The following OPCML variants were observed in gnomAD, a reference collection of about 807,000 sequenced individuals.
OPCML encodes opioid binding protein/cell adhesion molecule like, also known as opioid-binding protein/cell adhesion molecule.
OPCML carries 13 observed loss-of-function variants against 37.8 expected under a neutral mutation model. That is an observed-to-expected ratio of 0.34 (90% CI 0.22 to 0.55). The LOEUF is 0.55. OPCML is among the 20% of genes least tolerant of loss of function. The pLI, the probability that OPCML is intolerant of heterozygous loss-of-function variation, is 0.91. For synonymous variants in OPCML, 176 were observed against 168.8 expected, an observed-to-expected ratio of 1.04 and a Z score of -0.33; for missense variants, 341 against 435.6, an observed-to-expected ratio of 0.78 and a Z score of 1.93.
intron 4 of OPCML, among the ~76,000 whole-genome samples, chr11:132,484,089 C>T (rs1293291611): frequency 1.3e-5 from 2 of 152,154 alleles, no homozygotes; most frequent in African/African-American, 2.4e-5. Flanking sequence ...AACTAAAGAG[C>T]TTCTGCACAG....
intron 2 of OPCML, among the ~76,000 whole-genome samples, chr11:132,665,314 C>T (rs149749833): frequency 1.3e-5 from 2 of 152,234 alleles, no homozygotes; most frequent in Non-Finnish European, 2.9e-5. Context: ...GATGAGTCCA[C>T]CAGAAATTGC....
chr11:132,744,761 G>C (rs1418274059), intron 2 of OPCML, among the ~76,000 whole-genome samples: 1 of 152,206 alleles, frequency 6.6e-6, no homozygotes, highest in Non-Finnish European at 1.5e-5. Flanking sequence ...CAGTACAAAG[G>C]GAGCAAATAA....
chr11:133,193,752 G>T (rs1938419127), intron 1 of OPCML, among the ~76,000 whole-genome samples: 1 of 152,044 alleles, frequency 6.6e-6, no homozygotes, highest in Non-Finnish European at 1.5e-5. Context: ...AAGAACCAAA[G>T]ATTTATGGTC....
At chr11:133,150,690 G>T (rs1949967369) in intron 1 of OPCML, among the ~76,000 whole-genome samples, 2 of 152,218 alleles carry the variant, frequency 1.3e-5, no homozygotes, top group African/African-American at 4.8e-5. Flanking sequence ...AGGTGCCCTG[G>T]CATCTTACAA....
chr11:133,343,971 T>A (rs1044209473), intron 1 of OPCML, among the ~76,000 whole-genome samples: 2 of 152,258 alleles, frequency 1.3e-5, no homozygotes, highest in African/African-American at 4.8e-5. Flanking sequence ...TATTCTGAAC[T>A]AATTGCCAGA....
In OPCML at chr11:133,358,138, T is replaced by A. The variant is rs553513145; in HGVS notation, c.61+174126A>T. Among the ~76,000 whole-genome samples the A allele has an allele frequency of 3.9e-5, 6 of 152,326 alleles. No individual in the cohort carries two copies. The East Asian group carries it at 1.2e-3, about 29-fold the overall frequency. ...CCTTCTTCATTCTCCAATGGGTGAA[T>A]TGAATGAGTGAGCAATGAATGAACT... On this transcript the variant is annotated intron_variant, in intron 1 of 7. Transcript: ENST00000524381.
chr11:133,422,074 C>T (rs1398315352), intron 1 of OPCML: 41 of 926,462 alleles, frequency 4.4e-5, no homozygotes, highest in Non-Finnish European at 5.0e-5. Flanking sequence ...CCCATCCACC[C>T]GTCATCTACA....
chr11:132,921,851 T>C (rs1031133196), intron 2 of OPCML, among the ~76,000 whole-genome samples: 22 of 152,186 alleles, frequency 1.4e-4, no homozygotes, highest in African/African-American at 5.1e-4. Flanking sequence ...TAGCACCTTA[T>C]TGAGGCCCTC....
intron 1 of OPCML, among the ~76,000 whole-genome samples, chr11:133,016,781 C>T (rs113059533): frequency 0.021 from 3,264 of 152,246 alleles, 45 homozygotes; most frequent in Middle Eastern, 0.068. Flanking sequence ...CCCACATGTG[C>T]ACACAAACAT....
intron 1 of OPCML, among the ~76,000 whole-genome samples, chr11:133,485,679 AT>A (rs1947511364): frequency 6.6e-6 from 1 of 152,210 alleles, no homozygotes; most frequent in Admixed American, 6.5e-5. Context: ...CATCTGCATT[AT>A]TCTGGGTTCC....
At chr11:132,883,284 A>AG (rs778718839) in intron 2 of OPCML, among the ~76,000 whole-genome samples, 2 of 149,864 alleles carry the variant, frequency 1.3e-5, no homozygotes, top group East Asian at 1.9e-4. Context: ...AAAAAAAAAA[A>AG]GGGGGCTGAA....
At chr11:133,006,670 A>G (rs1506874) in intron 1 of OPCML, 767,063 of 985,326 alleles carry the variant, frequency 0.78, 299,768 homozygotes, top group African/African-American at 0.96. Flanking sequence ...CCCTTCCCTG[A>G]TCCCACATGT....
At chr11:133,404,329 G>A (rs1253374514) in intron 1 of OPCML, among the ~76,000 whole-genome samples, 1 of 152,222 alleles carries the variant, frequency 6.6e-6, no homozygotes, top group Non-Finnish European at 1.5e-5. Flanking sequence ...CACATTCGCA[G>A]GCGCGAGGAG....
chr11:133,163,140 T>C (rs1184337211), intron 1 of OPCML, among the ~76,000 whole-genome samples: 3 of 152,232 alleles, frequency 2.0e-5, no homozygotes, highest in African/African-American at 7.2e-5. Flanking sequence ...AATATGTTTC[T>C]TGTGTTTCCG....
At chr11:132,505,405 A>G (rs544165010) in intron 4 of OPCML, among the ~76,000 whole-genome samples, 1 of 152,346 alleles carries the variant, frequency 6.6e-6, no homozygotes, top group Non-Finnish European at 1.5e-5. Context: ...TGTGCACCAT[A>G]TCACAATAAA....
intron 1 of OPCML, among the ~76,000 whole-genome samples, chr11:133,249,611 G>A (rs1384585125): frequency 6.6e-6 from 1 of 152,126 alleles, no homozygotes; most frequent in East Asian, 1.9e-4. Flanking sequence ...CAAAGGCGGA[G>A]GAGAGAAAGC....
At chr11:132,784,538 G>A (rs897827962) in intron 2 of OPCML, among the ~76,000 whole-genome samples, 1 of 152,022 alleles carries the variant, frequency 6.6e-6, no homozygotes, top group Non-Finnish European at 1.5e-5. Flanking sequence ...GTAAACAGTC[G>A]CTGCTTGCTC....
intron 1 of OPCML, among the ~76,000 whole-genome samples, chr11:133,130,588 A>G (rs1949588611): frequency 6.6e-6 from 1 of 152,168 alleles, no homozygotes; most frequent in Admixed American, 6.5e-5. Context: ...ATGATGACTT[A>G]AGACTCTAAA....
At chr11:132,518,061 TA>T (rs909207442) in intron 4 of OPCML, among the ~76,000 whole-genome samples, 7 of 152,208 alleles carry the variant, frequency 4.6e-5, no homozygotes, top group South Asian at 2.1e-4. Flanking sequence ...AAAACTTTTT[TA>T]AAAAATTATT....
Sources: allele counts gnomAD v4.1 joint callset (sites outside exome capture counted in the v4.1 genomes callset), GRCh38; gene constraint gnomAD v4.1.1; transcripts MANE v1.5; gene names NCBI Gene and HGNC (gene_info 2026-07-23, HGNC 2026-07-21).